Variants in MRPS31 observed in about 807,000 individuals in gnomAD.
MRPS31 encodes the protein small ribosomal subunit protein mS31.
Under a neutral mutation model 43.1 loss-of-function variants are expected in MRPS31, and 32 were observed. That is an observed-to-expected ratio of 0.74 (90% CI 0.56 to 1.00). The LOEUF is 1.00. MRPS31 is among the 50% of genes least tolerant of loss of function. The pLI is 0.00. For synonymous variants in MRPS31, 165 were observed against 161.6 expected (o/e 1.02, Z -0.16); for missense variants, 437 against 466.7 (o/e 0.94, Z 0.59).
intron 1 of MRPS31, among the ~76,000 whole-genome samples, chr13:40,770,529 C>T (rs776390307): frequency 1.3e-5 from 2 of 152,242 alleles, no homozygotes; most frequent in Non-Finnish European, 2.9e-5. Context: ...TTTACCTACA[C>T]TATCTCAGCT....
intron 5 of MRPS31, chr13:40,752,413 T>A (rs1267025806): frequency 3.3e-5 from 5 of 152,222 alleles, no homozygotes; most frequent in African/African-American, 9.6e-5. Context: ...CTTCTCATCA[T>A]ACACAAGAGA....
intron 3 of MRPS31, 106 bp downstream of exon 3, chr13:40,758,842 A>C: frequency 4.6e-6 from 5 of 1,075,356 alleles, no homozygotes; most frequent in Non-Finnish European, 6.1e-6. Context: ...TTTTATATAC[A>C]AATTCCACTT....
At chr13:40,765,344 C>T (rs1030706023) in intron 2 of MRPS31, among the ~76,000 whole-genome samples, 2 of 152,118 alleles carry the variant, frequency 1.3e-5, no homozygotes, top group South Asian at 2.1e-4. Context: ...CTCACTCATA[C>T]CTAATTGGAA....
At chr13:40,760,707 A>G (rs1381318486) in intron 2 of MRPS31, among the ~76,000 whole-genome samples, 2 of 151,170 alleles carry the variant, frequency 1.3e-5, no homozygotes, top group Admixed American at 6.6e-5. Context: ...GGTTCAAGCA[A>G]TCCTCCCATT....
chr13:40,749,071 A>C (rs113415535), intron 6 of MRPS31, 67 bp downstream of exon 6: 1 of 1,495,796 alleles, frequency 6.7e-7, no homozygotes. Flanking sequence ...CTATACTCTA[A>C]AAGTAAATAT....
chr13:40,762,032 A>G (rs1042551088), intron 2 of MRPS31, among the ~76,000 whole-genome samples: 1 of 151,978 alleles, frequency 6.6e-6, no homozygotes, highest in Admixed American at 6.6e-5. Context: ...ACTTGAGTCC[A>G]GGAGTTCATG....
At chr13:40,762,490 G>A (rs1880725904) in intron 2 of MRPS31, among the ~76,000 whole-genome samples, 1 of 149,678 alleles carries the variant, frequency 6.7e-6, no homozygotes, top group South Asian at 2.1e-4. Context: ...CTGGAGTACA[G>A]TGACACAACC....
At position 40,741,179 on chromosome 13, in the gene MRPS31, T is replaced by C. The variant is rs373071175; in HGVS notation, c.958+7959A>G. Reference sequence around the variant, plus strand: ...AGCTAAAAGATTAAAAACTGTTGGCTCTGAGAACAGGCTTAATAGGTGATA... The same window carrying C: ...AGCTAAAAGATTAAAAACTGTTGGCCCTGAGAACAGGCTTAATAGGTGATA... On this transcript the variant is annotated intron_variant, in intron 6 of 6. Coordinates refer to ENST00000323563, the MANE Select transcript of MRPS31 (RefSeq NM_005830.4). Among the ~76,000 whole-genome samples the C allele has an allele frequency of 8.5e-5, 13 of 152,164 alleles. No homozygotes were observed. The South Asian group carries it at 2.7e-3, about 32-fold the overall frequency.
At chr13:40,760,172 T>C (rs905347194) in intron 2 of MRPS31, among the ~76,000 whole-genome samples, 14 of 150,566 alleles carry the variant, frequency 9.3e-5, no homozygotes, top group Middle Eastern at 3.4e-3. Flanking sequence ...TGATTCCATT[T>C]ATATCAAGTT....
At chr13:40,742,954 C>G (rs746811296) in intron 6 of MRPS31, among the ~76,000 whole-genome samples, 5 of 152,128 alleles carry the variant, frequency 3.3e-5, no homozygotes, top group African/African-American at 1.2e-4. Context: ...AAAAACCCTA[C>G]AAGAAGATCT....
chr13:40,747,654 G>T (rs1880276142), intron 6 of MRPS31, among the ~76,000 whole-genome samples: 1 of 152,138 alleles, frequency 6.6e-6, no homozygotes, highest in Non-Finnish European at 1.5e-5. Flanking sequence ...AAGGCGGGTG[G>T]ATCACCCGAG....
intron 6 of MRPS31, among the ~76,000 whole-genome samples, chr13:40,732,930 T>C (rs955621968): frequency 1.3e-5 from 2 of 148,862 alleles, no homozygotes; most frequent in Non-Finnish European, 3.0e-5. Flanking sequence ...ACGCCTGTAA[T>C]CTCAACACTT....
intron 2 of MRPS31, among the ~76,000 whole-genome samples, chr13:40,760,134 CAAAAAAAAAA>C (rs11327076): frequency 3.9e-5 from 3 of 77,902 alleles, no homozygotes; most frequent in Admixed American, 1.5e-4. Context: ...TAGACTCTGT[CAAAAAAAAAA>C]AAAAAAAAAA....
rs9577139 is a variant in MRPS31 at position 40,757,074 on chromosome 13, C to A, written c.600-61G>T. On this transcript the variant is annotated intron_variant, in intron 3 of 6. Coordinates refer to ENST00000323563, the MANE Select transcript of MRPS31 (RefSeq NM_005830.4). Reference sequence around the variant, plus strand: ...TTAGCTACAGAACAGTAATAAACTTCCTTTAACAGGAGACTTGAGATCATT... The same window carrying A: ...TTAGCTACAGAACAGTAATAAACTTACTTTAACAGGAGACTTGAGATCATT... 2,201 of 1,287,420 alleles carry A rather than the reference C, an allele frequency of 1.7e-3. 47 individuals carry two copies. The East Asian group carries it at 0.037, about 22-fold the overall frequency. 79.7% of individuals were successfully genotyped at this position (1,287,420 alleles called of 1,614,324 possible).
At chr13:40,737,361 T>C (rs1385054099) in intron 6 of MRPS31, among the ~76,000 whole-genome samples, 2 of 152,164 alleles carry the variant, frequency 1.3e-5, no homozygotes, top group Middle Eastern at 3.4e-3. Flanking sequence ...ACTGTCAACA[T>C]TAGACAGATC....
chr13:40,742,381 T>C (rs767969451), intron 6 of MRPS31, among the ~76,000 whole-genome samples: 2 of 152,180 alleles, frequency 1.3e-5, no homozygotes, highest in Admixed American at 6.5e-5. Context: ...GAGAAGGCCA[T>C]AGTAGAGCAC....
chr13:40,743,353 T>C (rs1432618641), intron 6 of MRPS31, among the ~76,000 whole-genome samples: 2 of 148,660 alleles, frequency 1.3e-5, no homozygotes, highest in African/African-American at 4.9e-5. Context: ...AAACAAAAAT[T>C]GAGAAGTGGG....
At chr13:40,770,640 G>GCT (rs1404545666) in intron 1 of MRPS31, 1 of 324,460 alleles carries the variant, frequency 3.1e-6, no homozygotes, top group African/African-American at 2.2e-5. Flanking sequence ...GTACTGGCAC[G>GCT]CTGTTTTTCG....
intron 6 of MRPS31, chr13:40,730,883 A>G (rs1879671533): frequency 6.6e-6 from 1 of 152,152 alleles, no homozygotes; most frequent in Non-Finnish European, 1.5e-5. Flanking sequence ...TTCATAAATA[A>G]CGGCAACCAT....
Sources: gnomAD v4.1 joint callset for allele counts (sites outside exome capture counted in the v4.1 genomes callset) on GRCh38, gnomAD v4.1.1 for gene constraint, MANE v1.5 for transcripts, NCBI Gene and HGNC (gene_info 2026-07-23, HGNC 2026-07-21) for gene names.